Variants in GYPE observed in about 807,000 individuals in gnomAD.
The protein encoded by GYPE is glycophorin E (MNS blood group), also known as glycophorin-E.
GYPE carries 8 observed loss-of-function variants against 11.6 expected under a neutral mutation model. The ratio of observed to expected loss-of-function variants is 0.69; its 90% CI spans 0.41 to 1.25. The LOEUF (loss-of-function observed/expected upper bound fraction) is 1.25. GYPE is among the 50% of genes most tolerant of loss of function. The pLI, the probability that GYPE is intolerant of heterozygous loss-of-function variation, is 0.01. For synonymous variants in GYPE, 28 were observed against 29.6 expected (o/e 0.94, Z 0.18); for missense variants, 90 against 92.8 (o/e 0.97, Z 0.12).
At chr4:143,893,602 T>G (rs551662199) in intron 1 of GYPE, among the ~76,000 whole-genome samples, 7 of 152,196 alleles carry the variant, frequency 4.6e-5, no homozygotes, top group Non-Finnish European at 1.0e-4. Context: ...AATTCTGGAT[T>G]GAAAATTCTT....
In GYPE at chr4:143,880,411, C is replaced by G. The variant is rs1169685098; in HGVS notation, c.136G>C (p.Gly46Arg). Residue 46 changes from glycine (G) to arginine (R), a missense_variant and splice_region_variant, in exon 2 of 4, where the codon GGG becomes CGG. Physicochemically the swap from Gly to Arg is moderately radical, Grantham distance 125. Coordinates refer to ENST00000358615, the MANE Select transcript of GYPE (RefSeq NM_198682.3). ...TKSYISSQTN[G>R]ITLINWWAMA... ...TTTAAAAATAAAAATGAAAACAAACCATTTGTCTGTGATGAGATGTAACTC... is the reference window on the plus strand; with the variant it reads ...TTTAAAAATAAAAATGAAAACAAACGATTTGTCTGTGATGAGATGTAACTC... The G allele has an allele frequency of 6.2e-7, 1 of 1,613,802 alleles. No individual in the cohort carries two copies. Among genetic ancestry groups the G allele is most frequent in the Non-Finnish European group, 8.5e-7 (1 of 1,179,836 alleles).
At chr4:143,895,138 A>G (rs369775847) in intron 1 of GYPE, among the ~76,000 whole-genome samples, 6 of 152,260 alleles carry the variant, frequency 3.9e-5, no homozygotes, top group South Asian at 2.1e-4. Flanking sequence ...TCAACATAGT[A>G]TTGGAAGTTC....
intron 1 of GYPE, among the ~76,000 whole-genome samples, chr4:143,888,668 A>G (rs1449844241): frequency 0.011 from 1,693 of 147,264 alleles, 4 homozygotes; most frequent in African/African-American, 0.04. Flanking sequence ...TATAAATGGG[A>G]ATCTTGCCTG....
chr4:143,882,681 G>A (rs1294725539), intron 1 of GYPE, among the ~76,000 whole-genome samples: 3 of 152,128 alleles, frequency 2.0e-5, no homozygotes, highest in Non-Finnish European at 2.9e-5. Flanking sequence ...CCTTCACTCA[G>A]GTGTGCTTGT....
chr4:143,894,163 G>T (rs1314124472), intron 1 of GYPE, among the ~76,000 whole-genome samples: 1 of 151,648 alleles, frequency 6.6e-6, no homozygotes, highest in Admixed American at 6.6e-5. Context: ...AACTCCATCA[G>T]CTCCTTTAAG....
Position 143,879,609 on chromosome 4 carries a change from T to C in GYPE, c.136+802A>G, listed in dbSNP as rs538105169. 7.9e-5 allele frequency among the ~76,000 whole-genome samples: 12 copies of C among 152,210 alleles called. 1 individual carries two copies. Among genetic ancestry groups the C allele is most frequent in the African/African-American group, 2.4e-4 (10 of 41,538 alleles). ...GCAACTATTTAAAACTAAGAACATA[T>C]CATTTTCCTCTTCTGGAGGGTAAAC... is the stretch of plus-strand genomic sequence containing the variant. On this transcript the variant is annotated intron_variant, in intron 2 of 3. Coordinates refer to ENST00000358615, the MANE Select transcript of GYPE (RefSeq NM_198682.3).
chr4:143,879,362 C>T (rs1381390407), intron 2 of GYPE, among the ~76,000 whole-genome samples: 10 of 152,044 alleles, frequency 6.6e-5, no homozygotes, highest in East Asian at 3.9e-4. Flanking sequence ...GTATATACTA[C>T]GTTGTTTGAT....
At chr4:143,897,739 T>C (rs904717411) in intron 1 of GYPE, among the ~76,000 whole-genome samples, 1 of 152,076 alleles carries the variant, frequency 6.6e-6, no homozygotes, top group Non-Finnish European at 1.5e-5. Flanking sequence ...CACAAGCCAT[T>C]GACCAGTGGC....
intron 1 of GYPE, among the ~76,000 whole-genome samples, chr4:143,902,606 T>C (rs144161490): frequency 3.0e-4 from 45 of 152,062 alleles, no homozygotes; most frequent in African/African-American, 1.0e-3. Context: ...CCTTTTTCCT[T>C]TTCCTTCTTC....
intron 1 of GYPE, among the ~76,000 whole-genome samples, chr4:143,895,791 A>G (rs1378255255): frequency 6.6e-6 from 1 of 151,866 alleles, no homozygotes; most frequent in Non-Finnish European, 1.5e-5. Context: ...ACAGCATGGT[A>G]CTGGTACCAA....
At chr4:143,891,155 C>T (rs1420227132) in intron 1 of GYPE, among the ~76,000 whole-genome samples, 1 of 150,936 alleles carries the variant, frequency 6.6e-6, no homozygotes, top group Admixed American at 6.6e-5. Flanking sequence ...CTTTGTGGAC[C>T]ATCTACTACA....
At chr4:143,898,920 C>T (rs551100776) in intron 1 of GYPE, among the ~76,000 whole-genome samples, 1 of 149,616 alleles carries the variant, frequency 6.7e-6, no homozygotes, top group Non-Finnish European at 1.5e-5. Context: ...GATCTCTATT[C>T]TCAGTTGCCT....
At chr4:143,895,383 T>C (rs1019183156) in intron 1 of GYPE, among the ~76,000 whole-genome samples, 36 of 152,036 alleles carry the variant, frequency 2.4e-4, no homozygotes, top group African/African-American at 8.4e-4. Context: ...GAGAGCCAAA[T>C]CATGAGTGAA....
intron 3 of GYPE, among the ~76,000 whole-genome samples, chr4:143,874,090 A>G (rs957063422): frequency 1.7e-4 from 26 of 152,084 alleles, no homozygotes; most frequent in African/African-American, 4.3e-4. Flanking sequence ...TCTTGTTGCT[A>G]TATGTATATA....
At chr4:143,899,729 C>T (rs2149916312) in intron 1 of GYPE, among the ~76,000 whole-genome samples, 1 of 139,820 alleles carries the variant, frequency 7.2e-6, no homozygotes, top group Non-Finnish European at 1.5e-5. Flanking sequence ...AGGATAGTCT[C>T]TTCAACAAAT....
At chr4:143,892,161 C>G (rs199918249) in intron 1 of GYPE, among the ~76,000 whole-genome samples, 2 of 152,034 alleles carry the variant, frequency 1.3e-5, no homozygotes, top group East Asian at 1.9e-4. Context: ...GTGATATCCC[C>G]TTTATCATTT....
Position 143,877,552 on chromosome 4 carries a change from G to A in GYPE, c.137-697C>T, listed in dbSNP as rs546658083. 1.3e-4 allele frequency among the ~76,000 whole-genome samples: 20 copies of A among 152,300 alleles called. No homozygotes were observed. In the South Asian group the frequency reaches 3.7e-3, roughly 28 times the overall value. On this transcript the variant is annotated intron_variant, in intron 2 of 3. Transcript: ENST00000358615. ...TCCATATTTATAGCATATTTGTAGTGCTTCCAGTTGAAGTAAATAGAATGG... is the reference window on the plus strand; with the variant it reads ...TCCATATTTATAGCATATTTGTAGTACTTCCAGTTGAAGTAAATAGAATGG...
intron 1 of GYPE, among the ~76,000 whole-genome samples, chr4:143,889,851 G>GA (rs202016507): frequency 9.9e-5 from 15 of 150,966 alleles, no homozygotes; most frequent in Admixed American, 8.6e-4. Context: ...TGTGGAGGAG[G>GA]AAAAAAAAAC....
chr4:143,878,708 A>G (rs1194562821), intron 2 of GYPE: 1 of 489,568 alleles, frequency 2.0e-6, no homozygotes, highest in Non-Finnish European at 4.2e-6. Flanking sequence ...GTAAGTCCAA[A>G]TAAGTAAGAC....
Sources: gnomAD v4.1 joint callset for allele counts (sites outside exome capture counted in the v4.1 genomes callset) on GRCh38, gnomAD v4.1.1 for gene constraint, MANE v1.5 for transcripts, NCBI Gene and HGNC (gene_info 2026-07-23, HGNC 2026-07-21) for gene names.